LCOR: variants seen among roughly 807,000 people sequenced by gnomAD.
LCOR encodes the protein ligand-dependent corepressor.
In LCOR, 14 loss-of-function variants were observed where a neutral mutation model predicts 64.4. That is an observed-to-expected ratio of 0.22 (90% CI 0.14 to 0.34). The LOEUF is 0.34. LCOR is among the 10% of genes least tolerant of loss of function. The pLI is 1.00. For missense variants in LCOR, 1,686 were observed against 1,765.3 expected, an observed-to-expected ratio of 0.96 and a Z score of 0.80; for synonymous variants, 643 against 642.5, an observed-to-expected ratio of 1.00 and a Z score of -0.01.
chr10:96,934,011 A>G (rs965330795), intron 4 of LCOR, among the ~76,000 whole-genome samples: 2 of 152,172 alleles, frequency 1.3e-5, no homozygotes, highest in African/African-American at 4.8e-5. Flanking sequence ...TTTTCTGCTA[A>G]GTGTTTTGTC....
Position 96,981,461 on chromosome 10 carries a change from A to G in LCOR, c.1001A>G (p.Asn334Ser). 1.2e-6 allele frequency: 2 copies of G among 1,614,236 alleles called. No homozygotes were observed. The highest frequency in any genetic ancestry group is 4.5e-5 in the East Asian group (2 of 44,890). Residue 334 changes from asparagine (N) to serine (S), a missense_variant, in exon 8 of 8, where the codon AAT becomes AGT. Transcript: ENST00000421806. Reference sequence around the variant, plus strand: ...GCAGCTGAGAATAGTGAGGAAGGCAATACCTGTATTATTCCTCAAAGAAAT... The same window carrying G: ...GCAGCTGAGAATAGTGAGGAAGGCAGTACCTGTATTATTCCTCAAAGAAAT... The part of the protein sequence containing the change: ...KMAAENSEEG[N>S]TCIIPQRNLF...
At chr10:96,873,610 G>GTGTA (rs1846113791) in intron 2 of LCOR, among the ~76,000 whole-genome samples, 1 of 138,700 alleles carries the variant, frequency 7.2e-6, no homozygotes, top group Non-Finnish European at 1.5e-5. Flanking sequence ...GTGTGTGTGT[G>GTGTA]TGTGTGTTTT....
chr10:96,981,224 C>G lies in LCOR; in HGVS notation c.764C>G (p.Ser255Trp). Reference sequence around the variant, plus strand: ...TCCTCTGAACTTCCAACCACTAAATCGAATTCTATTAATAGCAGTTCAGTG... The same window carrying G: ...TCCTCTGAACTTCCAACCACTAAATGGAATTCTATTAATAGCAGTTCAGTG... ...KDSSELPTTKSNSINSSSVDS... is the reference protein window; with the variant it reads ...KDSSELPTTKWNSINSSSVDS... Residue 255 changes from serine to tryptophan, a missense_variant, in exon 8 of 8, where the codon TCG becomes TGG. By Grantham distance (177) the Ser-to-Trp change is radical. Coordinates refer to ENST00000421806, the MANE Select transcript of LCOR (RefSeq NM_001346516.2). The G allele has an allele frequency of 1.2e-6, 1 of 818,474 alleles. No homozygotes were observed. The highest frequency in any genetic ancestry group is 2.0e-6 in the Non-Finnish European group (1 of 488,692). The allele number at this position is 818,474 out of a possible 1,614,324, so 50.7% of individuals were successfully genotyped here. A position where few individuals can be genotyped will look rare whatever the true frequency, so the allele number is the denominator to read the frequency against.
intron 2 of LCOR, among the ~76,000 whole-genome samples, chr10:96,876,580 A>G (rs888820408): frequency 6.6e-6 from 1 of 152,246 alleles, no homozygotes; most frequent in African/African-American, 2.4e-5. Context: ...TTTCTGCCAT[A>G]TATTAGAATG....
Position 96,906,710 on chromosome 10 carries a change from A to G in LCOR, c.-329-555A>G, listed in dbSNP as rs370878121. The stretch of plus-strand genomic sequence containing the variant: ...TTTACGTTTATAAAGGAACCAGTAC[A>G]TAGTTATTGTGGCAATGTTAAATAC... On this transcript the variant is annotated intron_variant, in intron 2 of 7. Transcript: ENST00000421806. Among the ~76,000 whole-genome samples the G allele has an allele frequency of 1.1e-4, 17 of 152,268 alleles. No individual in the cohort carries two copies. In the South Asian group the frequency reaches 3.1e-3, roughly 28 times the overall value.
chr10:96,858,162 T>A (rs1845835074), intron 2 of LCOR, among the ~76,000 whole-genome samples: 1 of 152,174 alleles, frequency 6.6e-6, no homozygotes, highest in Non-Finnish European at 1.5e-5. Context: ...ATTAGAAGTA[T>A]TAGAGATAGT....
intron 5 of LCOR, among the ~76,000 whole-genome samples, chr10:96,947,212 T>C (rs550136192): frequency 3.9e-5 from 6 of 152,240 alleles, no homozygotes; most frequent in South Asian, 2.1e-4. Flanking sequence ...GGAATACTTA[T>C]AGTCTCTATT....
intron 4 of LCOR, among the ~76,000 whole-genome samples, chr10:96,932,281 G>C (rs1240612560): frequency 6.6e-6 from 1 of 152,020 alleles, no homozygotes; most frequent in Non-Finnish European, 1.5e-5. Context: ...GGAAAATTAA[G>C]TGTTATTCAG....
At chr10:96,938,198 A>T (rs1847385973) in intron 4 of LCOR, among the ~76,000 whole-genome samples, 1 of 152,052 alleles carries the variant, frequency 6.6e-6, no homozygotes, top group Admixed American at 6.6e-5. Flanking sequence ...GGCTCAAGCG[A>T]TCCTCCCCAG....
At chr10:96,840,706 C>G (rs574330506) in intron 2 of LCOR, among the ~76,000 whole-genome samples, 1 of 152,284 alleles carries the variant, frequency 6.6e-6, no homozygotes, top group Admixed American at 6.5e-5. Flanking sequence ...AGGGACTTTT[C>G]TTTAGACTTT....
intron 2 of LCOR, among the ~76,000 whole-genome samples, chr10:96,861,326 G>T (rs900830428): frequency 2.0e-5 from 3 of 152,206 alleles, no homozygotes; most frequent in Admixed American, 2.0e-4. Flanking sequence ...TCGTAGTGAT[G>T]AATGCAGTAA....
At chr10:96,924,070 C>T (rs777030744) in intron 4 of LCOR, among the ~76,000 whole-genome samples, 4 of 152,146 alleles carry the variant, frequency 2.6e-5, no homozygotes, top group African/African-American at 4.8e-5. Context: ...TTCTCTTCAT[C>T]CTCAAATCAG....
At chr10:96,902,836 G>A (rs1846663195) in intron 2 of LCOR, among the ~76,000 whole-genome samples, 1 of 152,074 alleles carries the variant, frequency 6.6e-6, no homozygotes, top group African/African-American at 2.4e-5. Flanking sequence ...GTCATGTGTT[G>A]CTTAACAATG....
intron 7 of LCOR, among the ~76,000 whole-genome samples, chr10:96,971,052 T>TA (rs1847995180): frequency 6.6e-6 from 1 of 152,226 alleles, no homozygotes; most frequent in African/African-American, 2.4e-5. Context: ...GGTCACTTTG[T>TA]AAAAAGTATT....
In LCOR at chr10:96,910,530, C is replaced by A. The variant is rs567819428; in HGVS notation, c.-184+2783C>A. Among the ~76,000 whole-genome samples the A allele has an allele frequency of 2.0e-5, 3 of 152,308 alleles. No individual in the cohort carries two copies. In the South Asian group the frequency reaches 6.2e-4, roughly 32 times the overall value. ...AAAGTGTTTATATTGGAACTCTTTG[C>A]AGTCACTTGGAGCATCTTGTCCGAG... On this transcript the variant is annotated intron_variant, in intron 4 of 7. Coordinates refer to ENST00000421806, the MANE Select transcript of LCOR (RefSeq NM_001346516.2).
At chr10:96,885,392 G>A (rs1026004499) in intron 2 of LCOR, among the ~76,000 whole-genome samples, 6 of 151,392 alleles carry the variant, frequency 4.0e-5, no homozygotes, top group Non-Finnish European at 7.4e-5. Flanking sequence ...TTTTGTTTTC[G>A]TTTTTTTGAG....
chr10:96,833,328 C>A, intron 1 of LCOR, 78 bp from the exon 2 acceptor site: 1 of 956,830 alleles, frequency 1.0e-6, no homozygotes, highest in Non-Finnish European at 1.2e-6. Context: ...GGAGCGCGGA[C>A]GGGGGCGCCC....
intron 7 of LCOR, among the ~76,000 whole-genome samples, chr10:96,952,575 G>T (rs1847699982): frequency 6.6e-6 from 1 of 152,108 alleles, no homozygotes; most frequent in Non-Finnish European, 1.5e-5. Flanking sequence ...TTGTGTGTGT[G>T]TGTGTGTGTT....
At chr10:96,939,044 ATAGTC>A (rs1847402005) in intron 4 of LCOR, among the ~76,000 whole-genome samples, 2 of 152,250 alleles carry the variant, frequency 1.3e-5, no homozygotes, top group African/African-American at 4.8e-5. Context: ...GAGACTTCAA[ATAGTC>A]TAAACAGTCT....
Sources: allele counts gnomAD v4.1 joint callset (sites outside exome capture counted in the v4.1 genomes callset), GRCh38; gene constraint gnomAD v4.1.1; transcripts MANE v1.5; gene names NCBI Gene and HGNC (gene_info 2026-07-23, HGNC 2026-07-21).